Variants in PARVG observed in about 807,000 individuals in gnomAD.
PARVG encodes gamma-parvin.
A neutral mutation model predicts 44.4 loss-of-function variants in PARVG; 36 were observed. That is an observed-to-expected ratio of 0.81 (90% CI 0.62 to 1.07). PARVG has a LOEUF of 1.07. PARVG is among the 50% of genes least tolerant of loss of function. The probability of loss-of-function intolerance (pLI) is 0.00; values close to 1 mark genes in which losing one functional copy is unlikely to be tolerated. For missense variants in PARVG, 407 were observed against 407.4 expected, an observed-to-expected ratio of 1.00 and a Z score of 0.01; for synonymous variants, 170 against 174.1, an observed-to-expected ratio of 0.98 and a Z score of 0.19.
In PARVG at chr22:44,180,990, G is replaced by A. The variant is rs1253119571; in HGVS notation, c.-384G>A. On this transcript the variant is annotated 5_prime_UTR_variant, in exon 1 of 14. Coordinates refer to ENST00000444313, the MANE Select transcript of PARVG (RefSeq NM_022141.7). ...TACTGTGCTGAGATCTCTCCTTCTCGAACCCTGCTATGCCTTTGCATACGC... is the reference window on the plus strand; with the variant it reads ...TACTGTGCTGAGATCTCTCCTTCTCAAACCCTGCTATGCCTTTGCATACGC... 1 of 985,074 alleles carries A rather than the reference G, an allele frequency of 1.0e-6. No individual in the cohort carries two copies. Among genetic ancestry groups the A allele is most frequent in the South Asian group, 4.7e-5 (1 of 21,286 alleles). The allele number at this position is 985,074 out of a possible 1,614,324, so 61.0% of individuals were successfully genotyped here. A position where few individuals can be genotyped will look rare whatever the true frequency, so the allele number is the denominator to read the frequency against.
upstream of PARVG, among the ~76,000 whole-genome samples, chr22:44,178,390 C>G (rs998046168): frequency 6.6e-6 from 1 of 152,158 alleles, no homozygotes; most frequent in Non-Finnish European, 1.5e-5. Context: ...CAGACAGAGC[C>G]AGGTCTCACT....
At position 44,204,180 on chromosome 22, in the gene PARVG, C is replaced by CCTG. The variant is rs368861710; in HGVS notation, c.814-1564_814-1562dup. Among the ~76,000 whole-genome samples the CCTG allele has an allele frequency of 3.9e-5, 6 of 151,976 alleles. No homozygotes were observed. In the South Asian group the frequency reaches 8.3e-4, roughly 21 times the overall value. On this transcript the variant is annotated intron_variant, in intron 12 of 13. Coordinates refer to ENST00000444313, the MANE Select transcript of PARVG (RefSeq NM_022141.7). ...TGTTGGCTGACTACAGAGGAGCGGCCCTGCTGCTGCTGCTGGGCACCCTGC... is the reference window on the plus strand; with the variant it reads ...TGTTGGCTGACTACAGAGGAGCGGCCCTGCTGCTGCTGCTGCTGGGCACCCTGC...
intron 12 of PARVG, 35 bp downstream of exon 12, chr22:44,198,757 C>T (rs2054652774): frequency 6.7e-7 from 1 of 1,493,948 alleles, no homozygotes; most frequent in Admixed American, 1.7e-5. Context: ...TATGGTCTAC[C>T]TCTAGGTGAA....
intron 12 of PARVG, among the ~76,000 whole-genome samples, chr22:44,200,074 C>T (rs551719883): frequency 1.1e-4 from 16 of 152,298 alleles, no homozygotes; most frequent in East Asian, 3.9e-4. Context: ...CTTCAGTGCC[C>T]GCTGGCTAGT....
intron 11 of PARVG, among the ~76,000 whole-genome samples, chr22:44,197,820 A>C (rs2147235187): frequency 6.6e-6 from 1 of 152,266 alleles, no homozygotes; most frequent in Admixed American, 6.5e-5. Flanking sequence ...GAAATAAGTG[A>C]GAGATTTGTA....
chr22:44,194,454 T>C (rs2054590574), intron 9 of PARVG, among the ~76,000 whole-genome samples: 1 of 152,186 alleles, frequency 6.6e-6, no homozygotes, highest in African/African-American at 2.4e-5. Context: ...CTTTCTTCCA[T>C]TCATCTATCT....
At chr22:44,193,972 CCTCT>C in intron 9 of PARVG, 149 bp downstream of exon 9, 1 of 1,046,350 alleles carries the variant, frequency 9.6e-7, no homozygotes. Flanking sequence ...TTCATTTGTC[CCTCT>C]TTCTGTCTGT....
chr22:44,199,665 G>C (rs988127883), intron 12 of PARVG, among the ~76,000 whole-genome samples: 3 of 152,228 alleles, frequency 2.0e-5, no homozygotes, highest in Non-Finnish European at 4.4e-5. Context: ...TGAGGGCTTA[G>C]AATAATCTCA....
chr22:44,189,862 A>T (rs866465240), intron 6 of PARVG, among the ~76,000 whole-genome samples: 3 of 152,204 alleles, frequency 2.0e-5, no homozygotes, highest in African/African-American at 7.2e-5. Context: ...GGTTGCAGTG[A>T]GCCCAGATTG....
intron 2 of PARVG, 154 bp from the exon 3 acceptor site, chr22:44,183,164 G>T: frequency 1.6e-6 from 1 of 626,106 alleles, no homozygotes; most frequent in Admixed American, 3.6e-5. Flanking sequence ...CTTTCTCACA[G>T]GGCCCGTACC....
chr22:44,202,077 A>G (rs2054717451), intron 12 of PARVG, among the ~76,000 whole-genome samples: 1 of 152,194 alleles, frequency 6.6e-6, no homozygotes, highest in Admixed American at 6.5e-5. Flanking sequence ...GCAAATCCTC[A>G]TGTTGGGTCT....
rs1158445267 is a variant in PARVG at position 44,206,859 on chromosome 22, C to G, written c.*433C>G. On this transcript the variant is annotated 3_prime_UTR_variant, in exon 14 of 14. Coordinates refer to ENST00000444313, the MANE Select transcript of PARVG (RefSeq NM_022141.7). ...CCTTTTCCAGCCCAGCTCCCCACAC[C>G]CACCTGCTTCTCACTCGGGAGGATG... The G allele has an allele frequency of 1.6e-5, 3 of 191,968 alleles. No homozygotes were observed. The highest frequency in any genetic ancestry group is 3.2e-5 in the Non-Finnish European group (3 of 94,522). The allele number at this position is 191,968 out of a possible 1,614,324, so 11.9% of individuals were successfully genotyped here.
At chr22:44,193,547 C>T (rs2054577913) in intron 8 of PARVG, among the ~76,000 whole-genome samples, 1 of 152,162 alleles carries the variant, frequency 6.6e-6, no homozygotes. Context: ...AGAACACGAA[C>T]AACAAAACCA....
At position 44,196,506 on chromosome 22, in the gene PARVG, G is replaced by T. The variant is rs1223009562; in HGVS notation, c.711+91G>T. On this transcript the variant is annotated intron_variant, in intron 11 of 13. Transcript: ENST00000444313. ...TCTGCAGGCCCTGGGAACCTGCTGT[G>T]TGGTGGGGGTTGCATCACCTCTTGG... 12 of 1,478,118 alleles carry T rather than the reference G, an allele frequency of 8.1e-6. No individual in the cohort carries two copies. In the East Asian group the frequency reaches 2.5e-4, roughly 31 times the overall value. 91.6% of individuals were successfully genotyped at this position (1,478,118 alleles called of 1,614,324 possible).
chr22:44,193,249 CA>C (rs1263811609), intron 8 of PARVG, among the ~76,000 whole-genome samples: 2 of 151,994 alleles, frequency 1.3e-5, no homozygotes, highest in African/African-American at 4.8e-5. Flanking sequence ...AAAAATTGTT[CA>C]AAAACAATAA....
At chr22:44,177,152 C>G (rs12483834), upstream of PARVG, among the ~76,000 whole-genome samples, 15,429 of 152,164 alleles carry the variant, frequency 0.1, 1,542 homozygotes, top group African/African-American at 0.24. Context: ...CACTCTCTTT[C>G]TGTCCCTGCC....
At chr22:44,203,959 C>A (rs1429991761) in intron 12 of PARVG, among the ~76,000 whole-genome samples, 9 of 152,244 alleles carry the variant, frequency 5.9e-5, no homozygotes, top group Non-Finnish European at 1.3e-4. Flanking sequence ...ATTCTCCTGC[C>A]TCAGCCTCCC....
chr22:44,175,820 C>T (rs1366218866), intron 1 of PARVG, among the ~76,000 whole-genome samples: 1 of 152,144 alleles, frequency 6.6e-6, no homozygotes, highest in African/African-American at 2.4e-5. Flanking sequence ...TGCATCTGGG[C>T]ATAGAGGCGG....
At chr22:44,173,282 T>G (rs2054287371) in intron 1 of PARVG, 1 of 1,080,498 alleles carries the variant, frequency 9.3e-7, no homozygotes, top group South Asian at 1.6e-5. Context: ...GCATGACACA[T>G]GGAGGTGGTC....
Sources: allele counts gnomAD v4.1 joint callset (sites outside exome capture counted in the v4.1 genomes callset), GRCh38; gene constraint gnomAD v4.1.1; transcripts MANE v1.5; gene names NCBI Gene and HGNC (gene_info 2026-07-23, HGNC 2026-07-21).